The following OR3A2 variants were observed in gnomAD, a reference collection of about 807,000 sequenced individuals.
The protein encoded by OR3A2 is olfactory receptor 3A2.
For synonymous variants in OR3A2, 126 were observed against 159.3 expected (o/e 0.79, Z 1.57); for missense variants, 318 against 392.8 (o/e 0.81, Z 1.61).
intron 2 of OR3A2, among the ~76,000 whole-genome samples, chr17:3,337,537 T>C (rs954601131): frequency 2.6e-5 from 4 of 152,140 alleles, no homozygotes; most frequent in African/African-American, 9.7e-5. Context: ...TGGTTTTCTG[T>C]CCTTGCGATA....
intron 2 of OR3A2, among the ~76,000 whole-genome samples, chr17:3,350,830 C>G (rs1364848988): frequency 2.2e-4 from 31 of 139,768 alleles, no homozygotes; most frequent in South Asian, 4.7e-4. Flanking sequence ...AAAAGCTTAT[C>G]CACCATGATC....
chr17:3,354,019 G>A (rs1319702829), intron 2 of OR3A2, among the ~76,000 whole-genome samples: 1 of 151,386 alleles, frequency 6.6e-6, no homozygotes, highest in Non-Finnish European at 1.5e-5. Context: ...TGCATCCCTG[G>A]GATAAATCTC....
At chr17:3,335,012 T>A (rs992302405) in intron 3 of OR3A2, among the ~76,000 whole-genome samples, 21 of 152,206 alleles carry the variant, frequency 1.4e-4, no homozygotes, top group African/African-American at 5.1e-4. Flanking sequence ...TACTAACTAG[T>A]TTTATTCATT....
At chr17:3,294,402 C>G (rs1287745969) in intron 3 of OR3A2, among the ~76,000 whole-genome samples, 1 of 151,378 alleles carries the variant, frequency 6.6e-6, no homozygotes, top group Non-Finnish European at 1.5e-5. Flanking sequence ...TAAAAGATGA[C>G]AAGATGCAAT....
chr17:3,311,020 G>A lies in OR3A2; in HGVS notation c.-85+25013C>T, dbSNP rs231677. The A allele has an allele frequency of 0.046, 25,281 of 548,946 alleles. 719 individuals carry two copies. Among genetic ancestry groups the A allele is most frequent in the Middle Eastern group, 0.091 (290 of 3,196 alleles). The allele number at this position is 548,946 out of a possible 1,614,324, so 34.0% of individuals were successfully genotyped here. ...CTGCGAATCCGCTCTGCAGAGGGCA[G>A]AAAGAAAGCCTTCTCCACGTGTAGT... On this transcript the variant is annotated intron_variant, in intron 3 of 4. Coordinates refer to the OR3A2 transcript ENST00000573491. The surrounding 1 kb of genome is among the most constrained non-coding windows in gnomAD (Gnocchi z 4.6).
chr17:3,280,358 G>A (rs1229106504), intron 1 of OR3A2, among the ~76,000 whole-genome samples: 4 of 150,872 alleles, frequency 2.7e-5, no homozygotes, highest in African/African-American at 9.8e-5. Context: ...TGCAAGCTCC[G>A]CCTCCTGGGT....
upstream of OR3A2, chr17:3,386,301 G>A (rs61734059): frequency 1.5e-5 from 6 of 398,178 alleles, no homozygotes; most frequent in Non-Finnish European, 2.7e-5. Context: ...ACCGCCCGAC[G>A]GCGGCGTGCC....
At chr17:3,349,975 T>A (rs2049404971) in intron 2 of OR3A2, among the ~76,000 whole-genome samples, 2 of 149,660 alleles carry the variant, frequency 1.3e-5, no homozygotes, top group East Asian at 3.9e-4. Context: ...AGATGTTCTT[T>A]GAAACCAACG....
intron 2 of OR3A2, among the ~76,000 whole-genome samples, chr17:3,344,511 C>T (rs530067980): frequency 4.6e-5 from 7 of 152,146 alleles, no homozygotes; most frequent in Non-Finnish European, 1.0e-4. Context: ...ATTCCCTTCT[C>T]TTCTGGGAGT....
At chr17:3,352,119 G>C (rs1252182470) in intron 2 of OR3A2, among the ~76,000 whole-genome samples, 6 of 151,816 alleles carry the variant, frequency 4.0e-5, no homozygotes, top group Admixed American at 3.9e-4. Context: ...TTTTCCTATA[G>C]AGTTGCTGAG....
exon 2 of OR3A2, chr17:3,278,172 G>A: frequency 6.2e-7 from 1 of 1,614,224 alleles, no homozygotes; most frequent in Admixed American, 1.7e-5. Context: ...ACAAACCACG[G>A]TGAGGTGGGA....
intron 2 of OR3A2, among the ~76,000 whole-genome samples, chr17:3,347,381 C>CTAGAGA: frequency 6.6e-6 from 1 of 152,130 alleles, no homozygotes; most frequent in Non-Finnish European, 1.5e-5. Flanking sequence ...TCTCCCAATG[C>CTAGAGA]TATCCCTCCC....
intron 2 of OR3A2, among the ~76,000 whole-genome samples, chr17:3,379,371 A>G (rs1272539745): frequency 2.6e-5 from 4 of 152,190 alleles, no homozygotes; most frequent in Non-Finnish European, 4.4e-5. Flanking sequence ...TTGCTCTGAC[A>G]CCAGCTGGAC....
At chr17:3,337,781 T>C (rs2049284444) in intron 2 of OR3A2, among the ~76,000 whole-genome samples, 1 of 152,164 alleles carries the variant, frequency 6.6e-6, no homozygotes, top group South Asian at 2.1e-4. Context: ...GTCCTTGGGG[T>C]ATATACCCAG....
chr17:3,341,762 G>A lies in OR3A2; in HGVS notation c.-178-5636C>T, dbSNP rs2049320973. ...GTGTCTTGGAGTTGCTCTTCTGGAG[G>A]AGTATCTTTGTGGTGTTCTCTGTAT... is the stretch of plus-strand genomic sequence containing the variant. On this transcript the variant is annotated intron_variant, in intron 2 of 4. Coordinates refer to the OR3A2 transcript ENST00000573491. 3.9e-5 allele frequency among the ~76,000 whole-genome samples: 6 copies of A among 152,282 alleles called. No homozygotes were observed. The South Asian group carries it at 1.2e-3, about 32-fold the overall frequency.
intron 2 of OR3A2, among the ~76,000 whole-genome samples, chr17:3,371,284 C>A (rs1267217349): frequency 6.6e-6 from 1 of 150,718 alleles, no homozygotes; most frequent in Non-Finnish European, 1.5e-5. Context: ...GGCGGCTGGC[C>A]GGGCAGAGGG....
At chr17:3,317,131 T>C (rs2049087201) in intron 3 of OR3A2, among the ~76,000 whole-genome samples, 1 of 152,190 alleles carries the variant, frequency 6.6e-6, no homozygotes, top group South Asian at 2.1e-4. Context: ...GTGGATCAGA[T>C]GAGCAGAAGT....
chr17:3,307,078 A>G (rs2150628974), intron 3 of OR3A2, among the ~76,000 whole-genome samples: 1 of 152,320 alleles, frequency 6.6e-6, no homozygotes, highest in African/African-American at 2.4e-5. Flanking sequence ...AGGGTCAACA[A>G]CTTAGTGTCT....
At chr17:3,335,480 C>A (rs2049269530) in intron 3 of OR3A2, among the ~76,000 whole-genome samples, 1 of 152,078 alleles carries the variant, frequency 6.6e-6, no homozygotes. Flanking sequence ...CCCTGCCCCA[C>A]CCCTACTGAT....
Sources: allele counts gnomAD v4.1 joint callset (sites outside exome capture counted in the v4.1 genomes callset), GRCh38; gene constraint gnomAD v4.1.1; non-coding constraint Gnocchi (gnomAD v3.1); transcripts MANE v1.5; gene names NCBI Gene and HGNC (gene_info 2026-07-23, HGNC 2026-07-21).